MALRD1: variants seen among roughly 807,000 people sequenced by gnomAD.
MALRD1 encodes MAM and LDL-receptor class A domain-containing protein 1.
MALRD1 carries 247 observed loss-of-function variants against 242.1 expected under a neutral mutation model. The observed-to-expected ratio is 1.02, with a 90% CI of 0.92 to 1.13. The LOEUF (loss-of-function observed/expected upper bound fraction) is 1.13, where lower values mean the gene tolerates loss of function less well. MALRD1 is among the 50% of genes most tolerant of loss of function. The pLI, the probability that MALRD1 is intolerant of heterozygous loss-of-function variation, is 0.00. For synonymous variants in MALRD1, 995 were observed against 866.6 expected (o/e 1.15, Z -2.60); for missense variants, 2,989 against 2,533.1 (o/e 1.18, Z -3.86).
At chr10:19,298,531 G>C (rs1841810525) in intron 21 of MALRD1, among the ~76,000 whole-genome samples, 1 of 151,758 alleles carries the variant, frequency 6.6e-6, no homozygotes, top group Non-Finnish European at 1.5e-5. Flanking sequence ...GAAATCTAAG[G>C]GGAACATGAG....
chr10:19,493,772 C>G (rs975311433), intron 30 of MALRD1, among the ~76,000 whole-genome samples: 3 of 151,882 alleles, frequency 2.0e-5, no homozygotes, highest in African/African-American at 7.3e-5. Flanking sequence ...GAGATTGTAC[C>G]ACTGCACTCC....
intron 34 of MALRD1, among the ~76,000 whole-genome samples, chr10:19,607,545 A>G: frequency 6.6e-6 from 1 of 152,116 alleles, no homozygotes; most frequent in Non-Finnish European, 1.5e-5. Context: ...TTCAGTCCCT[A>G]AGAATGCACA....
Position 19,209,538 on chromosome 10 carries a change from T to G in MALRD1, c.2849T>G (p.Phe950Cys). Reference sequence around the variant, plus strand: ...ACCTTCCGCTTCTATTACCACATGTTTGGAAAGCGCATTTATAGGTTGGCA... The same window carrying G: ...ACCTTCCGCTTCTATTACCACATGTGTGGAAAGCGCATTTATAGGTTGGCA... ...GCTFRFYYHM[F>C]GKRIYRLAIY... The change falls in exon 18 of 40, where the codon TTT (phenylalanine) becomes TGT (cysteine). Residue 950 changes from phenylalanine to cysteine, a missense_variant. Coordinates refer to ENST00000454679, the MANE Select transcript of MALRD1 (RefSeq NM_001142308.3). The G allele has an allele frequency of 6.4e-7, 1 of 1,550,724 alleles. No homozygotes were observed. Among genetic ancestry groups the G allele is most frequent in the African/African-American group, 1.4e-5 (1 of 73,124 alleles).
At chr10:19,332,750 C>T (rs1372551033) in intron 24 of MALRD1, among the ~76,000 whole-genome samples, 1 of 152,090 alleles carries the variant, frequency 6.6e-6, no homozygotes, top group Non-Finnish European at 1.5e-5. Flanking sequence ...CTTCAGAAGT[C>T]TTGAGAGGTA....
At chr10:19,615,808 C>T in intron 35 of MALRD1, 49 bp from the exon 36 acceptor site, 2 of 1,313,018 alleles carry the variant, frequency 1.5e-6, no homozygotes, top group Admixed American at 2.1e-5. Flanking sequence ...TCTTCTTCCT[C>T]CTAATACTAT....
chr10:19,611,496 G>T (rs968393222), intron 35 of MALRD1, among the ~76,000 whole-genome samples: 4 of 152,026 alleles, frequency 2.6e-5, no homozygotes, highest in Admixed American at 2.6e-4. Context: ...TGTGTAATCA[G>T]TTGTGAATTG....
chr10:19,184,284 C>T (rs1835644445), intron 14 of MALRD1, among the ~76,000 whole-genome samples: 1 of 152,162 alleles, frequency 6.6e-6, no homozygotes, highest in South Asian at 2.1e-4. Flanking sequence ...GGCATCAGGA[C>T]AAACCCTAAA....
At chr10:19,473,932 C>A (rs967883114) in intron 29 of MALRD1, among the ~76,000 whole-genome samples, 2 of 152,122 alleles carry the variant, frequency 1.3e-5, no homozygotes, top group Non-Finnish European at 2.9e-5. Context: ...ATTTTACAAT[C>A]CCACCAAAAG....
At position 19,310,731 on chromosome 10, in the gene MALRD1, T is replaced by A. The variant is rs181371718; in HGVS notation, c.3420-13218T>A. On this transcript the variant is annotated intron_variant, in intron 21 of 39. Transcript: ENST00000454679. ...CATCTGTTCTTCCAATATGACTCTA[T>A]TTTGTGCCACTGTGCCTTCTTTAAA... 1.7e-3 allele frequency among the ~76,000 whole-genome samples: 253 copies of A among 151,616 alleles called. 1 individual carries two copies. Among genetic ancestry groups the A allele is most frequent in the African/African-American group, 5.9e-3 (243 of 41,462 alleles).
chr10:19,163,201 T>C (rs1588634694), intron 12 of MALRD1, among the ~76,000 whole-genome samples: 1 of 140,966 alleles, frequency 7.1e-6, no homozygotes, highest in Non-Finnish European at 1.5e-5. Flanking sequence ...TTCACATGTA[T>C]GTGAATGGTC....
In MALRD1 at chr10:19,066,735, A is replaced by C; in HGVS notation, c.216A>C (p.Arg72Ser). 8.1e-7 allele frequency: 1 copy of C among 1,233,740 alleles called. No homozygotes were observed. The highest frequency in any genetic ancestry group is 1.0e-6 in the Non-Finnish European group (1 of 988,022). The allele number at this position is 1,233,740 out of a possible 1,614,324, so 76.4% of individuals were successfully genotyped here. The change falls in exon 2 of 40, where the codon AGA (arginine) becomes AGC (serine). Residue 72 changes from arginine to serine, a missense_variant. Arg to Ser is a moderately radical substitution (Grantham distance 110, BLOSUM62 -1). Transcript: ENST00000454679. ...SDERHCLNYERCDFEDGLCHM... is the reference protein window; with the variant it reads ...SDERHCLNYESCDFEDGLCHM... ...TCTCATTAGGTTTGAATTATGAAAG[A>C]TGTGATTTTGAGGATGGTCTCTGTC...
At chr10:19,669,593 A>G (rs976941169) in intron 36 of MALRD1, among the ~76,000 whole-genome samples, 3 of 152,200 alleles carry the variant, frequency 2.0e-5, no homozygotes, top group Admixed American at 2.0e-4. Flanking sequence ...ATTTAGTACA[A>G]AATTGTGTTG....
intron 38 of MALRD1, among the ~76,000 whole-genome samples, chr10:19,713,746 A>G (rs1210035747): frequency 6.6e-6 from 1 of 152,206 alleles, no homozygotes; most frequent in Non-Finnish European, 1.5e-5. Flanking sequence ...AAAGTACTAG[A>G]CACCCTCATG....
intron 18 of MALRD1, among the ~76,000 whole-genome samples, chr10:19,224,537 C>T (rs941395098): frequency 2.6e-5 from 4 of 152,244 alleles, no homozygotes; most frequent in Non-Finnish European, 5.9e-5. Context: ...GTGATCCACT[C>T]GCCTTGGCCT....
chr10:19,376,704 C>T (rs548307490), intron 26 of MALRD1, among the ~76,000 whole-genome samples: 1 of 151,720 alleles, frequency 6.6e-6, no homozygotes, highest in Admixed American at 6.6e-5. Flanking sequence ...TACAGGTGCC[C>T]AACACCACAC....
intron 19 of MALRD1, 32 bp downstream of exon 19, chr10:19,257,803 T>C: frequency 3.7e-6 from 5 of 1,357,714 alleles, no homozygotes; most frequent in Non-Finnish European, 4.9e-6. Flanking sequence ...TGGGGTTATT[T>C]CTAAATCTGT....
At chr10:19,660,396 G>A (rs902474511) in intron 36 of MALRD1, among the ~76,000 whole-genome samples, 2 of 152,098 alleles carry the variant, frequency 1.3e-5, no homozygotes, top group Non-Finnish European at 2.9e-5. Context: ...CAGTGACCAA[G>A]GTAGATGGTA....
At chr10:19,087,793 T>C in intron 2 of MALRD1, 47 bp from the exon 3 acceptor site, 2 of 971,960 alleles carry the variant, frequency 2.1e-6, no homozygotes, top group Non-Finnish European at 2.6e-6. Context: ...TAGGTCTTAT[T>C]CATTCTTTCT....
intron 14 of MALRD1, among the ~76,000 whole-genome samples, chr10:19,202,421 C>G (rs1484612862): frequency 2.0e-5 from 3 of 152,092 alleles, no homozygotes; most frequent in African/African-American, 7.2e-5. Context: ...TCACATTCTT[C>G]TCCCTGTAGA....
Sources: allele counts gnomAD v4.1 joint callset (sites outside exome capture counted in the v4.1 genomes callset), GRCh38; gene constraint gnomAD v4.1.1; transcripts MANE v1.5; gene names NCBI Gene and HGNC (gene_info 2026-07-23, HGNC 2026-07-21).